Variants in MMEL1 observed in about 807,000 individuals in gnomAD.
The protein encoded by MMEL1 is membrane metallo-endopeptidase-like 1.
A neutral mutation model predicts 117.1 loss-of-function variants in MMEL1; 98 were observed. The ratio of observed to expected loss-of-function variants is 0.84; its 90% CI spans 0.71 to 0.99. The LOEUF (loss-of-function observed/expected upper bound fraction) is 0.99, where lower values mean the gene tolerates loss of function less well. Ranked by LOEUF, MMEL1 falls within the 50% of genes least tolerant of loss-of-function variation. The pLI is 0.00. For synonymous variants in MMEL1, 390 were observed against 415.1 expected, an observed-to-expected ratio of 0.94 and a Z score of 0.74; for missense variants, 1,014 against 1,049.1, an observed-to-expected ratio of 0.97 and a Z score of 0.46.
intron 6 of MMEL1, among the ~76,000 whole-genome samples, chr1:2,608,880 G>A (rs1645076738): frequency 6.6e-6 from 1 of 150,772 alleles, no homozygotes; most frequent in African/African-American, 2.5e-5. Flanking sequence ...CAAACCACAT[G>A]TAACATATAT....
intron 14 of MMEL1, among the ~76,000 whole-genome samples, 169 bp from the exon 15 acceptor site, chr1:2,596,276 A>T (rs754465730): frequency 3.3e-5 from 5 of 151,902 alleles, no homozygotes; most frequent in Admixed American, 6.5e-5. Flanking sequence ...TGAGATGACA[A>T]CCCAACTTCA....
chr1:2,597,844 G>A (rs34571135), intron 13 of MMEL1, among the ~76,000 whole-genome samples: 3,697 of 152,256 alleles, frequency 0.024, 70 homozygotes, highest in Middle Eastern at 0.041. Context: ...CTGACCACGG[G>A]TCCGGCCCCT....
rs562049258 is a variant in MMEL1 at position 2,605,380 on chromosome 1, T to C, written c.816+178A>G. Among the ~76,000 whole-genome samples the C allele has an allele frequency of 3.9e-5, 6 of 152,082 alleles. No individual in the cohort carries two copies. In the South Asian group the frequency reaches 1.2e-3, roughly 32 times the overall value. ...GGTGTTGAGGGAACGTCCCCCAGGA[T>C]GGTGGCAAGCAATAGGTCACGTCTG... On this transcript the variant is annotated intron_variant, in intron 9 of 23. Coordinates refer to ENST00000378412, the MANE Select transcript of MMEL1 (RefSeq NM_033467.4).
At chr1:2,609,240 C>T in intron 6 of MMEL1, 99 bp downstream of exon 6, 4 of 1,218,770 alleles carry the variant, frequency 3.3e-6, no homozygotes, top group Middle Eastern at 2.4e-4. Context: ...CACTCCTACC[C>T]TAGGGGCAGC....
rs79990387 is a variant in MMEL1, at chr1:2,629,829, C to A, written c.-37-308G>T. The stretch of plus-strand genomic sequence containing the variant: ...GGACTCCTGTAGTGGAGCCCCCCCC[C>A]TGGGCTGCTCATGCTGGTTGTCTTG... On this transcript the variant is annotated intron_variant, in intron 1 of 23. Coordinates refer to ENST00000378412, the MANE Select transcript of MMEL1 (RefSeq NM_033467.4). 8.8e-4 allele frequency: 189 copies of A among 214,888 alleles called. 2 individuals are homozygous for A. In the East Asian group the frequency reaches 0.017, roughly 20 times the overall value. The allele number at this position is 214,888 out of a possible 1,614,324, so 13.3% of individuals were successfully genotyped here. A position where few individuals can be genotyped will look rare whatever the true frequency, so the allele number is the denominator to read the frequency against.
chr1:2,629,212 AC>A, intron 2 of MMEL1, 118 bp downstream of exon 2: 1 of 1,172,598 alleles, frequency 8.5e-7, no homozygotes, highest in East Asian at 2.9e-5. Flanking sequence ...GTGCAGACCC[AC>A]CTGCCCCATC....
intron 2 of MMEL1, among the ~76,000 whole-genome samples, chr1:2,628,415 T>A (rs536572177): frequency 1.3e-5 from 2 of 152,320 alleles, no homozygotes; most frequent in African/African-American, 4.8e-5. Context: ...GGCATTCTAG[T>A]AACACAGGCT....
chr1:2,611,541 G>T, intron 3 of MMEL1: 1 of 520,304 alleles, frequency 1.9e-6, no homozygotes, highest in South Asian at 2.7e-5. Context: ...TAGTCTGGTG[G>T]GGGTGGGGTG....
rs1644988325 is a variant in MMEL1 at position 2,604,407 on chromosome 1, C to A, written c.817-126G>T. On this transcript the variant is annotated intron_variant, in intron 9 of 23. Transcript: ENST00000378412. ...CCTAATGCGTGTCCACCCACCTTGACCAGCAGGCTCTCGGGCACACAGAGT... is the reference window on the plus strand; with the variant it reads ...CCTAATGCGTGTCCACCCACCTTGAACAGCAGGCTCTCGGGCACACAGAGT... 3 of 1,336,870 alleles carry A rather than the reference C, an allele frequency of 2.2e-6. No individual in the cohort carries two copies. The East Asian group carries it at 7.1e-5, about 32-fold the overall frequency. The allele number at this position is 1,336,870 out of a possible 1,614,324, so 82.8% of individuals were successfully genotyped here.
At position 2,604,066 on chromosome 1, in the gene MMEL1, C is replaced by T. The variant is rs932061062; in HGVS notation, c.951+81G>A. 5.8e-5 allele frequency: 92 copies of T among 1,574,464 alleles called. No individual in the cohort carries two copies. In the East Asian group the frequency reaches 1.8e-3, roughly 31 times the overall value. Reference sequence around the variant, plus strand: ...CTGCCTGCTACCGGCCCACCCAGCACCCCCTCACCTTGGCCAGCCACACCG... The same window carrying T: ...CTGCCTGCTACCGGCCCACCCAGCATCCCCTCACCTTGGCCAGCCACACCG... On this transcript the variant is annotated intron_variant, in intron 10 of 23. Transcript: ENST00000378412.
intron 2 of MMEL1, among the ~76,000 whole-genome samples, chr1:2,621,461 T>G (rs1228841413): frequency 6.6e-6 from 1 of 152,208 alleles, no homozygotes; most frequent in Non-Finnish European, 1.5e-5. Context: ...TGGTTCCAAG[T>G]CTTTAGATAA....
intron 3 of MMEL1, among the ~76,000 whole-genome samples, chr1:2,611,871 CT>C (rs548341522): frequency 7.1e-4 from 108 of 152,298 alleles, no homozygotes; most frequent in Non-Finnish European, 9.7e-4. Context: ...TGCCCCACCC[CT>C]GTGCCAGCTG....
intron 11 of MMEL1, among the ~76,000 whole-genome samples, chr1:2,603,472 G>A (rs1309929756): frequency 2.0e-5 from 3 of 152,142 alleles, no homozygotes; most frequent in Non-Finnish European, 4.4e-5. Flanking sequence ...GTGGCCAGGG[G>A]GAACTGCTAC....
intron 6 of MMEL1, 76 bp downstream of exon 6, chr1:2,609,263 G>T: frequency 6.9e-7 from 1 of 1,441,670 alleles, no homozygotes. Flanking sequence ...TGGGGTCCTG[G>T]GGCTGCGCTA....
chr1:2,629,593 C>A lies in MMEL1; in HGVS notation c.-37-72G>T, dbSNP rs1010972937. 2.3e-6 allele frequency: 3 copies of A among 1,327,974 alleles called. No individual in the cohort carries two copies. The Admixed American group carries it at 9.8e-5, about 43-fold the overall frequency. The allele number at this position is 1,327,974 out of a possible 1,614,324, so 82.3% of individuals were successfully genotyped here. On this transcript the variant is annotated intron_variant, in intron 1 of 23. Transcript: ENST00000378412. Reference sequence around the variant, plus strand: ...CGAGCCCGGCCCGAGGCTGGAAGGGCCGGATGCTGGCTGGGAGCGGGCGCT... The same window carrying A: ...CGAGCCCGGCCCGAGGCTGGAAGGGACGGATGCTGGCTGGGAGCGGGCGCT...
At chr1:2,599,255 G>A (rs2764848) in intron 11 of MMEL1, among the ~76,000 whole-genome samples, 89,326 of 151,998 alleles carry the variant, frequency 0.59, 27,195 homozygotes, top group Non-Finnish European at 0.68. Context: ...GAATAACCTT[G>A]ATACCAAAAT....
chr1:2,607,092 C>G, intron 6 of MMEL1, 23 bp from the exon 7 acceptor site: 1 of 1,595,794 alleles, frequency 6.3e-7, no homozygotes, highest in Non-Finnish European at 8.6e-7. Context: ...GCAGTGGTCA[C>G]TCTCCCAGCC....
rs937627775 is a variant in MMEL1 at position 2,595,871 on chromosome 1, G to A, written c.1500+138C>T. 9 of 659,310 alleles carry A rather than the reference G, an allele frequency of 1.4e-5. No homozygotes were observed. Among genetic ancestry groups the A allele is most frequent in the East Asian group, 1.3e-4 (5 of 39,304 alleles). 40.8% of individuals were successfully genotyped at this position (659,310 alleles called of 1,614,324 possible). A position where few individuals can be genotyped will look rare whatever the true frequency, so the allele number is the denominator to read the frequency against. On this transcript the variant is annotated intron_variant, in intron 15 of 23. Transcript: ENST00000378412. This position sits in a 1 kb window ranked among gnomAD's most constrained non-coding sequence, Gnocchi z 4.8. The stretch of plus-strand genomic sequence containing the variant: ...GGTCCTGTCTGCGCCTCCCGGGGCT[G>A]CCTTCTCCCCGTGGGGTCCTGTCTG...
intron 1 of MMEL1, among the ~76,000 whole-genome samples, chr1:2,631,762 C>T (rs551924228): frequency 1.3e-4 from 20 of 152,276 alleles, no homozygotes; most frequent in African/African-American, 4.6e-4. Context: ...TTGGAGCCAT[C>T]TGCCTCCCTT....
Sources: gnomAD v4.1 joint callset for allele counts (sites outside exome capture counted in the v4.1 genomes callset) on GRCh38, gnomAD v4.1.1 for gene constraint, Gnocchi (gnomAD v3.1) non-coding constraint, MANE v1.5 for transcripts, NCBI Gene and HGNC (gene_info 2026-07-23, HGNC 2026-07-21) for gene names.